SYCP2: variants seen among roughly 807,000 people sequenced by gnomAD.
SYCP2 encodes synaptonemal complex lateral element protein.
Under a neutral mutation model 211.3 loss-of-function variants are expected in SYCP2, and 55 were observed. The ratio of observed to expected loss-of-function variants is 0.26; its 90% CI spans 0.21 to 0.33. SYCP2 has a LOEUF of 0.33. SYCP2 is among the 10% of genes least tolerant of loss of function. The probability of loss-of-function intolerance (pLI) is 1.00; values close to 1 mark genes in which losing one functional copy is unlikely to be tolerated. For missense variants in SYCP2, 1,731 were observed against 1,752.0 expected (o/e 0.99, Z 0.21); for synonymous variants, 570 against 555.2 (o/e 1.03, Z -0.37).
chr20:59,921,330 C>A lies in SYCP2; in HGVS notation c.148G>T (p.Val50Leu). The A allele has an allele frequency of 6.2e-7, 1 of 1,603,172 alleles. No homozygotes were observed. Among genetic ancestry groups the A allele is most frequent in the South Asian group, 1.1e-5 (1 of 89,796 alleles). The change falls in exon 4 of 45, where the codon GTG becomes TTG. Residue 50 changes from valine (V) to leucine (L), a missense_variant. Val to Leu is a conservative substitution (Grantham distance 32, BLOSUM62 1). Transcript: ENST00000357552. ...TTTACCCTGCATATAAGGTTGTCCA[C>A]CTTGTGGAAAAACTGTTTGCTGCAT... ...IKCSKQFFHK[V>L]DNLICRELNK... is the part of the protein sequence containing the mutation.
At position 59,878,373 on chromosome 20, in the gene SYCP2, T is replaced by C. The variant is rs575294417; in HGVS notation, c.2942-328A>G. 2.6e-4 allele frequency among the ~76,000 whole-genome samples: 39 copies of C among 152,280 alleles called. 1 individual carries two copies. The South Asian group carries it at 7.5e-3, about 29-fold the overall frequency. On this transcript the variant is annotated intron_variant, in intron 31 of 44. Transcript: ENST00000357552. The stretch of plus-strand genomic sequence containing the variant: ...CACCATTTTTAAACTCATTCAAAAA[T>C]GTAATTTTCAAGAATTGATAACTTT...
intron 10 of SYCP2, 38 bp downstream of exon 10, chr20:59,915,127 A>T (rs1276011983): frequency 1.5e-6 from 2 of 1,311,792 alleles, no homozygotes; most frequent in Non-Finnish European, 2.2e-6. Flanking sequence ...CTATTCATAA[A>T]TATGGAATAA....
rs956918178 is a variant in SYCP2 at position 59,911,657 on chromosome 20, C to G, written c.972+93G>C. On this transcript the variant is annotated intron_variant, in intron 14 of 44. Coordinates refer to ENST00000357552, the MANE Select transcript of SYCP2 (RefSeq NM_014258.4). ...ATATTAAAATCTAGGTAAAGACTGG[C>G]TAGAACATATAAAGAAATCCACATT... 1.2e-5 allele frequency: 6 copies of G among 508,204 alleles called. No individual in the cohort carries two copies. In the South Asian group the frequency reaches 3.6e-4, roughly 30 times the overall value. The allele number at this position is 508,204 out of a possible 1,614,324, so 31.5% of individuals were successfully genotyped here.
intron 12 of SYCP2, 58 bp downstream of exon 12, chr20:59,913,917 C>G: frequency 7.7e-7 from 1 of 1,298,256 alleles, no homozygotes; most frequent in Non-Finnish European, 1.1e-6. Context: ...ACACTGGGTG[C>G]TCACTCTTGA....
At chr20:59,901,299 A>G (rs1305845235) in intron 16 of SYCP2, among the ~76,000 whole-genome samples, 1 of 151,988 alleles carries the variant, frequency 6.6e-6, no homozygotes, top group East Asian at 1.9e-4. Context: ...CTCTTTCTTC[A>G]ATGTCTACAA....
At chr20:59,903,528 A>G (rs2060157159) in intron 15 of SYCP2, among the ~76,000 whole-genome samples, 1 of 152,072 alleles carries the variant, frequency 6.6e-6, no homozygotes, top group South Asian at 2.1e-4. Context: ...AAAAAATATG[A>G]ACTGATGGAG....
At chr20:59,927,996 T>A (rs1193236829) in intron 2 of SYCP2, among the ~76,000 whole-genome samples, 1 of 152,200 alleles carries the variant, frequency 6.6e-6, no homozygotes, top group African/African-American at 2.4e-5. Flanking sequence ...TGGAAAGGTC[T>A]AACTCAATTA....
At chr20:59,912,154 C>T (rs2060343991) in intron 13 of SYCP2, 2 of 417,454 alleles carry the variant, frequency 4.8e-6, no homozygotes, top group African/African-American at 4.2e-5. Context: ...ACGAGAAAAA[C>T]TGGACTACAG....
At chr20:59,880,511 T>C in intron 30 of SYCP2, 40 bp from the exon 31 acceptor site, 14 of 1,215,722 alleles carry the variant, frequency 1.2e-5, no homozygotes, top group Non-Finnish European at 1.6e-5. Flanking sequence ...AAATACTACA[T>C]CTCATTATGT....
intron 22 of SYCP2, 41 bp from the exon 23 acceptor site, chr20:59,892,742 G>A (rs759754960): frequency 1.3e-6 from 2 of 1,565,780 alleles, no homozygotes; most frequent in Admixed American, 1.9e-5. Flanking sequence ...CAAAACATTA[G>A]CCTGTGACTT....
In SYCP2 at chr20:59,873,992, T is replaced by C; in HGVS notation, c.3419A>G (p.Tyr1140Cys). 6.2e-7 allele frequency: 1 copy of C among 1,613,100 alleles called. No homozygotes were observed. ...GGATTCAAGTGATGAAGTTTTTGGA[T>C]AAGGTGATATAGATTTTGTTATGCA... ...YDCITKSISP[Y>C]PKTSSLESLN... Residue 1140 changes from tyrosine to cysteine, a missense_variant, in exon 35 of 45, where the codon TAT becomes TGT. Physicochemically the swap from Tyr to Cys is radical, Grantham distance 194. Around this residue, in one of 3 missense-constraint regions of SYCP2, gnomAD observed 1,387 missense variants for 1,351.3 expected, o/e 1.03. Coordinates refer to ENST00000357552, the MANE Select transcript of SYCP2 (RefSeq NM_014258.4).
At chr20:59,929,635 TGA>T (rs2060697213) in intron 2 of SYCP2, among the ~76,000 whole-genome samples, 1 of 151,990 alleles carries the variant, frequency 6.6e-6, no homozygotes, top group Admixed American at 6.6e-5. Context: ...AAATGCAGAA[TGA>T]GATAATAGAA....
rs372626209 is a variant in SYCP2, at chr20:59,881,393, G to GA, written c.2714+43dup. ...TAAGACTGGGAGGAGATATTTAAGA[G>GA]AAAAAAAAAGATCAGAATATTTTAA... On this transcript the variant is annotated intron_variant, in intron 29 of 44. Coordinates refer to ENST00000357552, the MANE Select transcript of SYCP2 (RefSeq NM_014258.4). The GA allele has an allele frequency of 9.6e-4, 967 of 1,002,428 alleles. 1 individual carries two copies. Among genetic ancestry groups the GA allele is most frequent in the East Asian group, 1.4e-3 (49 of 34,620 alleles). 62.1% of individuals were successfully genotyped at this position (1,002,428 alleles called of 1,614,324 possible). A position where few individuals can be genotyped will look rare whatever the true frequency, so the allele number is the denominator to read the frequency against.
At chr20:59,902,439 T>G (rs1394689616) in intron 15 of SYCP2, among the ~76,000 whole-genome samples, 1 of 152,094 alleles carries the variant, frequency 6.6e-6, no homozygotes, top group Non-Finnish European at 1.5e-5. Flanking sequence ...GCACCTGTAT[T>G]ATAGACCAGA....
chr20:59,886,731 T>G lies in SYCP2; in HGVS notation c.2468A>C (p.Lys823Thr). The G allele has an allele frequency of 5.1e-6, 8 of 1,573,096 alleles. No individual in the cohort carries two copies. The highest frequency in any genetic ancestry group is 6.0e-6 in the Non-Finnish European group (7 of 1,164,808). ...KTKDDIKSTRKLKESLINSGF... is the reference protein window; with the variant it reads ...KTKDDIKSTRTLKESLINSGF... ...CCTGTTAATCAAAGACTCCTTTAAT[T>G]TTCTTGTAGACTTGATGTCATCTTT... Residue 823 changes from lysine (K) to threonine (T), a missense_variant, in exon 25 of 45, where the codon AAA becomes ACA. Around this residue, in one of 3 missense-constraint regions of SYCP2, gnomAD observed 1,387 missense variants for 1,351.3 expected, o/e 1.03. Coordinates refer to ENST00000357552, the MANE Select transcript of SYCP2 (RefSeq NM_014258.4).
intron 24 of SYCP2, among the ~76,000 whole-genome samples, chr20:59,891,124 T>C (rs1002783763): frequency 4.6e-5 from 7 of 151,998 alleles, no homozygotes; most frequent in Non-Finnish European, 7.4e-5. Flanking sequence ...AGAGGTTACA[T>C]TGTGTGAACA....
rs753394905 is a variant in SYCP2 at position 59,920,433 on chromosome 20, T to G, written c.223A>C (p.Arg75=). ...AATACACTGATATTTTTGCCACATCTTCCAACAGAAACCAAAATGGCTGAA... is the reference window on the plus strand; with the variant it reads ...AATACACTGATATTTTTGCCACATCGTCCAACAGAAACCAAAATGGCTGAA... ...NVSAILVSVG[R]CGKNISVLGQ... Residue 75 remains arginine (R), a synonymous_variant, in exon 5 of 45, where the codon AGA becomes CGA. Transcript: ENST00000357552. The G allele has an allele frequency of 6.2e-7, 1 of 1,609,972 alleles. No individual in the cohort carries two copies. Among genetic ancestry groups the G allele is most frequent in the Non-Finnish European group, 8.5e-7 (1 of 1,177,322 alleles).
rs1412768263 is a variant in SYCP2, at chr20:59,899,087, CAT to C, written c.1404+1049_1404+1050del. On this transcript the variant is annotated intron_variant, in intron 18 of 44. Coordinates refer to ENST00000357552, the MANE Select transcript of SYCP2 (RefSeq NM_014258.4). Reference sequence around the variant, plus strand: ...AAAATCGCTGATTTTTCAGGTATCTCATAGGATAAAACAGTGGTGACAAAGTC... The same window carrying C: ...AAAATCGCTGATTTTTCAGGTATCTCAGGATAAAACAGTGGTGACAAAGTC... 3.3e-5 allele frequency among the ~76,000 whole-genome samples: 5 copies of C among 152,190 alleles called. No homozygotes were observed. In the East Asian group the frequency reaches 9.7e-4, roughly 29 times the overall value.
intron 26 of SYCP2, among the ~76,000 whole-genome samples, chr20:59,883,373 CAAAG>C (rs1454876222): frequency 6.6e-6 from 1 of 151,604 alleles, no homozygotes; most frequent in African/African-American, 2.4e-5. Flanking sequence ...AACAAACAAA[CAAAG>C]GTATCTACAT....
Sources: allele counts gnomAD v4.1 joint callset (sites outside exome capture counted in the v4.1 genomes callset), GRCh38; gene constraint gnomAD v4.1.1; regional missense constraint gnomAD v4.1.1; transcripts MANE v1.5; gene names NCBI Gene and HGNC (gene_info 2026-07-23, HGNC 2026-07-21).